FAT3: variants seen among roughly 807,000 people sequenced by gnomAD.
FAT3 encodes the protein protocadherin Fat 3.
FAT3 carries 95 observed loss-of-function variants against 310.2 expected under a neutral mutation model. That is an observed-to-expected ratio of 0.31 (90% CI 0.26 to 0.36). The LOEUF is 0.36. Among genes scored for constraint, FAT3 ranks in the 10% least tolerant of loss-of-function variants. The pLI is 1.00. For synonymous variants in FAT3, 2,314 were observed against 2,192.9 expected, an observed-to-expected ratio of 1.06 and a Z score of -1.54; for missense variants, 5,408 against 5,715.6, an observed-to-expected ratio of 0.95 and a Z score of 1.74.
chr11:92,412,185 C>T (rs1370644280), intron 2 of FAT3, among the ~76,000 whole-genome samples: 1 of 151,978 alleles, frequency 6.6e-6, no homozygotes, highest in African/African-American at 2.4e-5. Flanking sequence ...TCACTGCAAT[C>T]TTTGCCTTCT....
At chr11:92,510,285 T>C (rs1351139867) in intron 2 of FAT3, among the ~76,000 whole-genome samples, 3 of 152,186 alleles carry the variant, frequency 2.0e-5, no homozygotes, top group East Asian at 3.8e-4. Context: ...GGGTGTTTTT[T>C]CCATTGCTCT....
chr11:92,868,810 A>G (rs1357157542), intron 22 of FAT3, among the ~76,000 whole-genome samples: 1 of 152,212 alleles, frequency 6.6e-6, no homozygotes, highest in Non-Finnish European at 1.5e-5. Flanking sequence ...AATTTCATGA[A>G]ATCCTTAAGC....
chr11:92,701,102 T>G (rs1356293491), intron 4 of FAT3, among the ~76,000 whole-genome samples: 1 of 152,190 alleles, frequency 6.6e-6, no homozygotes. Flanking sequence ...ATTGCCGAGA[T>G]AACCTTATGC....
intron 3 of FAT3, among the ~76,000 whole-genome samples, chr11:92,651,547 A>G (rs1942380062): frequency 6.6e-6 from 1 of 152,184 alleles, no homozygotes; most frequent in South Asian, 2.1e-4. Flanking sequence ...TGTGTCTTCT[A>G]ATAGGAGTTG....
At chr11:92,304,914 G>C (rs1034186380) in intron 1 of FAT3, among the ~76,000 whole-genome samples, 1 of 152,090 alleles carries the variant, frequency 6.6e-6, no homozygotes, top group Non-Finnish European at 1.5e-5. Context: ...ACCAACCCAG[G>C]CATGAAAACT....
chr11:92,587,732 C>G (rs776640125), intron 3 of FAT3, among the ~76,000 whole-genome samples: 19 of 151,742 alleles, frequency 1.3e-4, no homozygotes, highest in Non-Finnish European at 2.1e-4. Context: ...AAGTGCTGGC[C>G]CCTGAATCAT....
intron 2 of FAT3, among the ~76,000 whole-genome samples, chr11:92,503,203 T>G (rs1234214172): frequency 6.6e-6 from 1 of 152,138 alleles, no homozygotes; most frequent in Non-Finnish European, 1.5e-5. Context: ...CTTTGCTTAC[T>G]TGTGTCCATA....
At chr11:92,740,478 G>C (rs925380143) in intron 4 of FAT3, among the ~76,000 whole-genome samples, 2 of 152,150 alleles carry the variant, frequency 1.3e-5, no homozygotes, top group African/African-American at 4.8e-5. Flanking sequence ...TTCCTTAGCT[G>C]TCTGCCTCCC....
chr11:92,658,105 T>C (rs1320186087), intron 3 of FAT3, among the ~76,000 whole-genome samples: 1 of 152,236 alleles, frequency 6.6e-6, no homozygotes, highest in Non-Finnish European at 1.5e-5. Flanking sequence ...ATTTTACATT[T>C]TTATACTAAG....
intron 3 of FAT3, among the ~76,000 whole-genome samples, chr11:92,597,116 C>A (rs182050930): frequency 2.7e-4 from 41 of 152,258 alleles, no homozygotes; most frequent in Non-Finnish European, 5.1e-4. Context: ...TCACAAATAA[C>A]TGAGTCATTT....
rs376453680 is a variant in FAT3 at position 92,801,734 on chromosome 11, G to T, written c.8721G>T (p.Thr2907=). The T allele has an allele frequency of 3.2e-5, 51 of 1,613,734 alleles. No homozygotes were observed. Among genetic ancestry groups the T allele is most frequent in the Non-Finnish European group, 4.2e-5 (49 of 1,179,868 alleles). The change falls in exon 10 of 28, where the codon ACG becomes ACT. Residue 2907 remains threonine, a synonymous_variant. Transcript: ENST00000525166. ...DLGEAFSLSS[T]ALVSVRVTDI... ...GAGAGGCATTCTCTCTTTCCTCCAC[G>T]GCCTTGGTCTCTGTCAGAGTGACAG...
intron 3 of FAT3, among the ~76,000 whole-genome samples, chr11:92,575,500 T>G (rs1201785520): frequency 6.6e-6 from 1 of 152,220 alleles, no homozygotes; most frequent in Non-Finnish European, 1.5e-5. Flanking sequence ...ACAAAGTATA[T>G]CAATCCTCTC....
At position 92,798,413 on chromosome 11, in the gene FAT3, CACAGATGCTG is replaced by C; in HGVS notation, c.5405_5414del (p.Asp1802AlafsTer49). 6.2e-7 allele frequency: 1 copy of C among 1,613,212 alleles called. No individual in the cohort carries two copies. ...ATAACAGCCCACTGGTGATTCGAGC[CACAGATGCTG>C]ACAGCAACCGGAATGCTCTGCTTGT... On this transcript the variant is annotated frameshift_variant, in exon 10 of 28. Transcript: ENST00000525166. LOFTEE classifies it high-confidence loss of function.
chr11:92,668,397 C>G (rs539981570), intron 3 of FAT3, among the ~76,000 whole-genome samples: 1 of 152,144 alleles, frequency 6.6e-6, no homozygotes, highest in African/African-American at 2.4e-5. Context: ...GATAGGATAT[C>G]AGAGTGGGCA....
At chr11:92,229,459 T>C (rs1315146180) in intron 1 of FAT3, among the ~76,000 whole-genome samples, 1 of 150,114 alleles carries the variant, frequency 6.7e-6, no homozygotes, top group Admixed American at 6.6e-5. Context: ...TAAGCTTTAT[T>C]CCTTTCCTTG....
chr11:92,457,522 A>G (rs747795236), intron 2 of FAT3, among the ~76,000 whole-genome samples: 1 of 152,154 alleles, frequency 6.6e-6, no homozygotes, highest in Non-Finnish European at 1.5e-5. Context: ...ACCAATGAAC[A>G]TTAGTCGATA....
intron 3 of FAT3, among the ~76,000 whole-genome samples, chr11:92,529,098 A>G (rs976572250): frequency 6.6e-6 from 1 of 152,252 alleles, no homozygotes; most frequent in Non-Finnish European, 1.5e-5. Context: ...GACATAACAG[A>G]AATACATTGG....
At chr11:92,616,725 T>G (rs1940829732) in intron 3 of FAT3, among the ~76,000 whole-genome samples, 1 of 152,214 alleles carries the variant, frequency 6.6e-6, no homozygotes, top group African/African-American at 2.4e-5. Flanking sequence ...TTATTTCTCC[T>G]TCACTTGTGA....
intron 3 of FAT3, among the ~76,000 whole-genome samples, chr11:92,612,642 C>G (rs747712357): frequency 1.3e-5 from 2 of 152,234 alleles, no homozygotes; most frequent in Non-Finnish European, 2.9e-5. Context: ...AGCCAAACCT[C>G]TTGCTCACTT....
Sources: gnomAD v4.1 joint callset for allele counts (sites outside exome capture counted in the v4.1 genomes callset) on GRCh38, gnomAD v4.1.1 for gene constraint, MANE v1.5 for transcripts, NCBI Gene and HGNC (gene_info 2026-07-23, HGNC 2026-07-21) for gene names.